PDGFRL: variants seen among roughly 807,000 people sequenced by gnomAD.
PDGFRL encodes platelet derived growth factor receptor like.
A neutral mutation model predicts 37.2 loss-of-function variants in PDGFRL; 46 were observed. The ratio of observed to expected loss-of-function variants is 1.24; its 90% confidence interval spans 0.98 to 1.58. The LOEUF (loss-of-function observed/expected upper bound fraction) is 1.58, where lower values mean the gene tolerates loss of function less well. Ranked by LOEUF, PDGFRL falls within the 40% of genes most tolerant of loss-of-function variation. The pLI is 0.00. For missense variants in PDGFRL, 692 were observed against 467.6 expected, an observed-to-expected ratio of 1.48 and a Z score of -4.43; for synonymous variants, 251 against 184.3, an observed-to-expected ratio of 1.36 and a Z score of -2.93.
At chr8:17,639,809 T>C (rs957554629) in intron 5 of PDGFRL, among the ~76,000 whole-genome samples, 6 of 152,224 alleles carry the variant, frequency 3.9e-5, no homozygotes, top group Non-Finnish European at 7.3e-5. Flanking sequence ...CTTCTTGTAT[T>C]CAGATGTGTA....
chr8:17,583,805 C>A (rs1803758970), intron 1 of PDGFRL, among the ~76,000 whole-genome samples: 1 of 152,122 alleles, frequency 6.6e-6, no homozygotes, highest in Non-Finnish European at 1.5e-5. Context: ...CTCTCTCTTG[C>A]TTCTTCTCTC....
intron 2 of PDGFRL, among the ~76,000 whole-genome samples, chr8:17,595,806 G>A (rs1368226650): frequency 6.6e-6 from 1 of 152,210 alleles, no homozygotes; most frequent in Non-Finnish European, 1.5e-5. Flanking sequence ...GTGAGTTTAG[G>A]TCAACAGGTG....
Position 17,621,047 on chromosome 8 carries a change from C to G in PDGFRL, c.354-4C>G, listed in dbSNP as rs545838686. The G allele has an allele frequency of 2.5e-6, 4 of 1,592,446 alleles. No individual in the cohort carries two copies. In the Admixed American group the frequency reaches 6.9e-5, roughly 27 times the overall value. On this transcript the variant is annotated splice_polypyrimidine_tract_variant and splice_region_variant and intron_variant, in intron 2 of 5. Transcript: ENST00000251630. The stretch of plus-strand genomic sequence containing the variant: ...CTTTGAGTTCATGTGTCTTTTATTC[C>G]TAGCGTCAAGCAGAATGAGCGCTAC...
At chr8:17,599,591 G>C (rs1398647029) in intron 2 of PDGFRL, among the ~76,000 whole-genome samples, 3 of 152,158 alleles carry the variant, frequency 2.0e-5, no homozygotes, top group Non-Finnish European at 4.4e-5. Context: ...AGGACTGCTG[G>C]AAGGAGCCGT....
At chr8:17,614,239 A>G (rs185082883) in intron 2 of PDGFRL, among the ~76,000 whole-genome samples, 2 of 152,326 alleles carry the variant, frequency 1.3e-5, no homozygotes, top group East Asian at 3.9e-4. Context: ...TTTAGTTTGC[A>G]TATTTGTTTC....
chr8:17,625,582 C>A (rs1382733029), intron 3 of PDGFRL, among the ~76,000 whole-genome samples: 1 of 152,178 alleles, frequency 6.6e-6, no homozygotes, highest in African/African-American at 2.4e-5. Context: ...CAAACTTCAA[C>A]ACTTTGTTAT....
rs767550190 is a variant in PDGFRL at position 17,642,825 on chromosome 8, C to CTT, written c.*25_*26dup. ...GACTTGGAAAAGGAAATGTAATGAA[C>CTT]TTATGGAAAGCCCATTTGTGTACAC... On this transcript the variant is annotated 3_prime_UTR_variant, in exon 6 of 6. Transcript: ENST00000251630. The CTT allele has an allele frequency of 1.3e-6, 2 of 1,497,850 alleles. No individual in the cohort carries two copies. The highest frequency in any genetic ancestry group is 1.9e-6 in the Non-Finnish European group (2 of 1,077,080). The allele number at this position is 1,497,850 out of a possible 1,614,324, so 92.8% of individuals were successfully genotyped here. A position where few individuals can be genotyped will look rare whatever the true frequency, so the allele number is the denominator to read the frequency against.
chr8:17,596,474 A>C (rs1804055196), intron 2 of PDGFRL: 3 of 416,326 alleles, frequency 7.2e-6, no homozygotes, highest in Non-Finnish European at 1.2e-5. Flanking sequence ...AATTATTCTG[A>C]ACATTTAGTC....
intron 3 of PDGFRL, among the ~76,000 whole-genome samples, chr8:17,624,565 G>A (rs1804695920): frequency 6.6e-6 from 1 of 152,132 alleles, no homozygotes; most frequent in Non-Finnish European, 1.5e-5. Flanking sequence ...CTTTCTCATA[G>A]TAAAAGGCTG....
intron 2 of PDGFRL, 33 bp downstream of exon 2, chr8:17,589,798 G>A (rs1456700298): frequency 7.4e-7 from 1 of 1,348,354 alleles, no homozygotes; most frequent in Non-Finnish European, 1.0e-6. Flanking sequence ...GTGTAGGGTT[G>A]AGGATTTGTA....
At chr8:17,607,766 A>C (rs1163116652) in intron 2 of PDGFRL, among the ~76,000 whole-genome samples, 2 of 152,236 alleles carry the variant, frequency 1.3e-5, no homozygotes, top group African/African-American at 4.8e-5. Context: ...CAAGTATTTG[A>C]ATATAGAAGA....
chr8:17,585,417 G>A lies in PDGFRL; in HGVS notation c.56-4051G>A, dbSNP rs139140543. On this transcript the variant is annotated intron_variant, in intron 1 of 5. Coordinates refer to ENST00000251630, the MANE Select transcript of PDGFRL (RefSeq NM_001372073.1). The stretch of plus-strand genomic sequence containing the variant: ...GTGGGTTTTTTGGAGTGGGGTTCTC[G>A]AAAGGAAGAGAGAAAGGAAGGGCTT... 6.5e-3 allele frequency among the ~76,000 whole-genome samples: 987 copies of A among 152,176 alleles called. 20 individuals are homozygous for A. Among genetic ancestry groups the A allele is most frequent in the African/African-American group, 0.022 (922 of 41,480 alleles).
chr8:17,636,561 T>A (rs1253471304), intron 5 of PDGFRL, among the ~76,000 whole-genome samples: 2 of 48 alleles, frequency 0.042, no homozygotes, highest in African/African-American at 0.05. Context: ...TCTAGATTTG[T>A]TTTTTTTTTT....
chr8:17,592,952 T>A lies in PDGFRL; in HGVS notation c.353+3187T>A, dbSNP rs192581039. 1.5e-3 allele frequency among the ~76,000 whole-genome samples: 204 copies of A among 135,340 alleles called. 1 individual carries two copies. Among genetic ancestry groups the A allele is most frequent in the South Asian group, 0.014 (55 of 4,034 alleles). The allele number at this position is 135,340 out of a possible 152,430, so 88.8% of individuals were successfully genotyped here. ...CACACACACACACACACACACACAC[T>A]ACTCTACACACACACCTTGAGAGTA... On this transcript the variant is annotated intron_variant, in intron 2 of 5. Coordinates refer to ENST00000251630, the MANE Select transcript of PDGFRL (RefSeq NM_001372073.1).
chr8:17,579,578 T>TTATTATTAC (rs1294454970), intron 1 of PDGFRL, among the ~76,000 whole-genome samples: 1 of 149,612 alleles, frequency 6.7e-6, no homozygotes, highest in Non-Finnish European at 1.5e-5. Context: ...ATTATTATTA[T>TTATTATTAC]TATTATTGAG....
intron 2 of PDGFRL, among the ~76,000 whole-genome samples, chr8:17,592,765 G>C (rs192636696): frequency 4.6e-5 from 7 of 152,264 alleles, no homozygotes; most frequent in African/African-American, 1.4e-4. Context: ...CCTCTTCCCA[G>C]CTCTCTTCAC....
intron 2 of PDGFRL, among the ~76,000 whole-genome samples, chr8:17,606,673 G>C (rs1056409888): frequency 2.1e-5 from 3 of 145,260 alleles, no homozygotes; most frequent in Admixed American, 1.5e-4. Flanking sequence ...TCAGCTTGCA[G>C]AAAAACACAG....
chr8:17,641,896 T>TCCCCCCCCCCCCCCCC (rs144394170), intron 5 of PDGFRL, among the ~76,000 whole-genome samples: 12 of 103,944 alleles, frequency 1.2e-4, no homozygotes, highest in Admixed American at 5.2e-4. Flanking sequence ...TCAATAGAGG[T>TCCCCCCCCCCCCCCCC]CCCCGCCACA....
rs567742251 is a variant in PDGFRL at position 17,623,917 on chromosome 8, C to A, written c.505+2715C>A. ...CTCTCTTTGAGTTTTGGAGGCGGAA[C>A]CTTTTTGTTTTTTTTTTAACTGAAC... On this transcript the variant is annotated intron_variant, in intron 3 of 5. Transcript: ENST00000251630. 4.0e-5 allele frequency among the ~76,000 whole-genome samples: 6 copies of A among 149,822 alleles called. No individual in the cohort carries two copies. The East Asian group carries it at 5.9e-4, about 15-fold the overall frequency.
Sources: gnomAD v4.1 joint callset for allele counts (sites outside exome capture counted in the v4.1 genomes callset) on GRCh38, gnomAD v4.1.1 for gene constraint, MANE v1.5 for transcripts, NCBI Gene and HGNC (gene_info 2026-07-23, HGNC 2026-07-21) for gene names.